INPP4A: variants seen among roughly 807,000 people sequenced by gnomAD.
The protein encoded by INPP4A is inositol polyphosphate-4-phosphatase, type I, 107kD.
Under a neutral mutation model 119.8 loss-of-function variants are expected in INPP4A, and 33 were observed. The ratio of observed to expected loss-of-function variants is 0.28; its 90% CI spans 0.21 to 0.37. The LOEUF (loss-of-function observed/expected upper bound fraction) is 0.37. INPP4A is among the 10% of genes least tolerant of loss of function. INPP4A has a pLI of 1.00. For synonymous variants in INPP4A, 496 were observed against 500.7 expected (o/e 0.99, Z 0.12); for missense variants, 956 against 1,289.9 (o/e 0.74, Z 3.97).
At chr2:98,449,933 C>T (rs1452403221) in intron 1 of INPP4A, among the ~76,000 whole-genome samples, 1 of 152,074 alleles carries the variant, frequency 6.6e-6, no homozygotes, top group African/African-American at 2.4e-5. Context: ...GATACCTTTT[C>T]TTGTTAATGT....
At chr2:98,493,426 ATTT>A (rs371958433) in intron 1 of INPP4A, among the ~76,000 whole-genome samples, 4 of 123,096 alleles carry the variant, frequency 3.2e-5, no homozygotes, top group Admixed American at 8.5e-5. Context: ...TTCTATTTCT[ATTT>A]TTTTTTTTTT....
At chr2:98,575,990 T>C (rs1221702070) in intron 23 of INPP4A, among the ~76,000 whole-genome samples, 1 of 152,236 alleles carries the variant, frequency 6.6e-6, no homozygotes. Flanking sequence ...GCCCATCGCA[T>C]ATGTGTACCA....
rs1692003092 is a variant in INPP4A at position 98,543,965 on chromosome 2, C to T, written c.907C>T (p.Leu303Phe). The change falls in exon 11 of 25, where the codon CTC (leucine) becomes TTC (phenylalanine). Residue 303 changes from leucine to phenylalanine, a missense_variant. Coordinates refer to ENST00000409851, the MANE Select transcript of INPP4A (RefSeq NM_001134225.2). ...TGTCACCCAGTACCAGACCATCATC[C>T]TCACATACCAGGAGAACCTGACCGA... The part of the protein sequence containing the change: ...QIVTQYQTII[L>F]TYQENLTDLH... 1 of 1,589,210 alleles carries T rather than the reference C, an allele frequency of 6.3e-7. No individual in the cohort carries two copies. The highest frequency in any genetic ancestry group is 8.6e-7 in the Non-Finnish European group (1 of 1,167,032).
intron 23 of INPP4A, among the ~76,000 whole-genome samples, chr2:98,574,142 G>A (rs1439587513): frequency 3.3e-5 from 5 of 152,138 alleles, no homozygotes; most frequent in African/African-American, 1.2e-4. Context: ...GGCATTGCTT[G>A]CTCAGGCCAG....
At chr2:98,510,631 A>G (rs1159610024) in intron 1 of INPP4A, among the ~76,000 whole-genome samples, 1 of 152,046 alleles carries the variant, frequency 6.6e-6, no homozygotes, top group African/African-American at 2.4e-5. Flanking sequence ...CACTAATCCC[A>G]CCTATGAGGC....
intron 6 of INPP4A, 35 bp downstream of exon 6, chr2:98,535,880 TC>T: frequency 9.3e-7 from 1 of 1,078,366 alleles, no homozygotes. Flanking sequence ...GGGATTTTCT[TC>T]CCTTTGAAAA....
intron 24 of INPP4A, chr2:98,581,799 T>C: frequency 6.3e-7 from 1 of 1,576,786 alleles, no homozygotes; most frequent in Non-Finnish European, 8.6e-7. Context: ...AAAACAAAAG[T>C]GCCAGAACAT....
chr2:98,519,802 GTGGACAGTCCACCC>G (rs1460980150), intron 2 of INPP4A, 130 bp from the exon 3 acceptor site: 34 of 501,370 alleles, frequency 6.8e-5, no homozygotes, highest in Admixed American at 1.0e-4. Context: ...GCAGGGAGCA[GTGGACAGTCCACCC>G]CGGTTCCTCA....
intron 1 of INPP4A, among the ~76,000 whole-genome samples, chr2:98,508,853 CTT>C (rs1305829830): frequency 7.2e-5 from 11 of 151,860 alleles, no homozygotes; most frequent in African/African-American, 2.7e-4. Context: ...TTCCTGTTGT[CTT>C]TGTCTGTGGT....
At chr2:98,530,199 GA>G (rs796205802) in intron 4 of INPP4A, among the ~76,000 whole-genome samples, 4,198 of 130,564 alleles carry the variant, frequency 0.032, 96 homozygotes, top group African/African-American at 0.076. Context: ...TAGAAAAAGT[GA>G]AAAAAAAAAA....
In INPP4A at chr2:98,568,668, T is replaced by C; in HGVS notation, c.2518T>C (p.Cys840Arg). 6.6e-7 allele frequency: 1 copy of C among 1,520,728 alleles called. No homozygotes were observed. Among genetic ancestry groups the C allele is most frequent in the Non-Finnish European group, 9.1e-7 (1 of 1,102,532 alleles). The allele number at this position is 1,520,728 out of a possible 1,614,324, so 94.2% of individuals were successfully genotyped here. ...EQFKEVLPED[C>R]LPRSRSQTCL... is the part of the protein sequence containing the mutation. ...GTTTAAGGAAGTTTTGCCTGAGGAT[T>C]GTAAGTATTTCTTCAGTCATGGTAG... is the stretch of plus-strand genomic sequence containing the variant. Residue 840 changes from cysteine to arginine, a missense_variant and splice_region_variant, in exon 22 of 25, where the codon TGC (cysteine) becomes CGC (arginine). This residue lies in a region of INPP4A where 304 missense variants were observed against 492.1 expected (regional missense o/e 0.62). Transcript: ENST00000409851.
intron 10 of INPP4A, among the ~76,000 whole-genome samples, chr2:98,540,599 G>A (rs534519395): frequency 2.6e-4 from 39 of 152,320 alleles, no homozygotes; most frequent in Non-Finnish European, 4.7e-4. Context: ...CTGGAAACTG[G>A]GAAGTCCAAA....
At chr2:98,471,766 G>T (rs937516261) in intron 1 of INPP4A, among the ~76,000 whole-genome samples, 13 of 152,198 alleles carry the variant, frequency 8.5e-5, no homozygotes, top group African/African-American at 3.1e-4. Context: ...CCCCCTAGCC[G>T]CCAGGAGTGC....
chr2:98,537,345 A>G (rs986569931), intron 7 of INPP4A, among the ~76,000 whole-genome samples: 2 of 152,224 alleles, frequency 1.3e-5, no homozygotes, highest in African/African-American at 4.8e-5. Flanking sequence ...AGGCTGGGGT[A>G]GCATCAGCTG....
chr2:98,583,312 CAAAG>C (rs1250691374), intron 24 of INPP4A, among the ~76,000 whole-genome samples: 1 of 146,228 alleles, frequency 6.8e-6, no homozygotes, highest in Non-Finnish European at 1.5e-5. Context: ...GAAAAAAAAT[CAAAG>C]AAAAAATGCC....
chr2:98,477,336 C>T (rs973607849), intron 1 of INPP4A, among the ~76,000 whole-genome samples: 2 of 152,216 alleles, frequency 1.3e-5, no homozygotes, highest in East Asian at 1.9e-4. Context: ...GGCTCTTTGT[C>T]CTGAATGGTG....
At chr2:98,466,826 T>A (rs1674881520) in intron 1 of INPP4A, among the ~76,000 whole-genome samples, 1 of 152,230 alleles carries the variant, frequency 6.6e-6, no homozygotes, top group Non-Finnish European at 1.5e-5. Flanking sequence ...ATGTATTTTT[T>A]GGGCAGTCCC....
At chr2:98,509,015 A>G (rs923737171) in intron 1 of INPP4A, among the ~76,000 whole-genome samples, 4 of 152,218 alleles carry the variant, frequency 2.6e-5, no homozygotes, top group Non-Finnish European at 2.9e-5. Context: ...CTGCCTGGAA[A>G]GGACAGAGTA....
At chr2:98,529,795 TTATGA>T (rs1688865629) in intron 4 of INPP4A, among the ~76,000 whole-genome samples, 1 of 152,106 alleles carries the variant, frequency 6.6e-6, no homozygotes, top group Admixed American at 6.6e-5. Flanking sequence ...AGGGTGAACT[TTATGA>T]TATGTGAATC....
Sources: allele counts gnomAD v4.1 joint callset (sites outside exome capture counted in the v4.1 genomes callset), GRCh38; gene constraint gnomAD v4.1.1; regional missense constraint gnomAD v4.1.1; transcripts MANE v1.5; gene names NCBI Gene and HGNC (gene_info 2026-07-23, HGNC 2026-07-21).